Variants in XYLB observed in about 807,000 individuals in gnomAD.
XYLB encodes xylulose kinase.
Under a neutral mutation model 78.7 loss-of-function variants are expected in XYLB, and 62 were observed. The ratio of observed to expected loss-of-function variants is 0.79; its 90% CI spans 0.64 to 0.97. The LOEUF (loss-of-function observed/expected upper bound fraction) is 0.97. XYLB is among the 50% of genes least tolerant of loss of function. XYLB has a pLI of 0.00. For synonymous variants in XYLB, 245 were observed against 247.4 expected, an observed-to-expected ratio of 0.99 and a Z score of 0.09; for missense variants, 687 against 676.8, an observed-to-expected ratio of 1.02 and a Z score of -0.17.
intron 17 of XYLB, among the ~76,000 whole-genome samples, chr3:38,399,538 G>C (rs963902470): frequency 3.9e-5 from 6 of 152,162 alleles, no homozygotes. Flanking sequence ...TACTGGCTGG[G>C]TAAAAGACTC....
chr3:38,364,694 C>T (rs1042928726), intron 4 of XYLB, among the ~76,000 whole-genome samples: 1 of 132,476 alleles, frequency 7.5e-6, no homozygotes, highest in African/African-American at 2.8e-5. Flanking sequence ...CCTCTGTTCC[C>T]ACGACCCTGT....
rs114648864 is a variant in XYLB, at chr3:38,354,845, T to C, written c.141-5494T>C. On this transcript the variant is annotated intron_variant, in intron 2 of 18. Transcript: ENST00000207870. ...ATTGAGATCATATTATCTTTATAAATTAACTTGGCAGAATTGACAACTTTA... is the reference window on the plus strand; with the variant it reads ...ATTGAGATCATATTATCTTTATAAACTAACTTGGCAGAATTGACAACTTTA... 8.7e-3 allele frequency among the ~76,000 whole-genome samples: 1,318 copies of C among 151,844 alleles called. 20 individuals carry two copies. The highest frequency in any genetic ancestry group is 0.029 in the African/African-American group (1,176 of 41,110).
intron 10 of XYLB, among the ~76,000 whole-genome samples, chr3:38,373,853 G>A (rs1345542131): frequency 1.3e-5 from 2 of 152,158 alleles, no homozygotes; most frequent in Non-Finnish European, 2.9e-5. Flanking sequence ...AATCAAGGCA[G>A]ATAAAGATTG....
At position 38,363,037 on chromosome 3, in the gene XYLB, T is replaced by A. The variant is rs776089538; in HGVS notation, c.291+20T>A. ...GGCCAGGTTCGTTTGCAGCAGACTC[T>A]GTCTGCCATGTGAGGGTGACTGTCC... On this transcript the variant is annotated intron_variant, in intron 4 of 18. Coordinates refer to ENST00000207870, the MANE Select transcript of XYLB (RefSeq NM_005108.4). The A allele has an allele frequency of 3.3e-6, 5 of 1,522,474 alleles. No homozygotes were observed. The highest frequency in any genetic ancestry group is 4.4e-6 in the Non-Finnish European group (5 of 1,129,230). 94.3% of individuals were successfully genotyped at this position (1,522,474 alleles called of 1,614,324 possible).
the XYLB span, among the ~76,000 whole-genome samples, chr3:38,436,095 A>G: frequency 1.3e-5 from 2 of 152,116 alleles, no homozygotes; most frequent in South Asian, 4.1e-4. Flanking sequence ...GAACTAAATG[A>G]AAAACAGACT....
At chr3:38,405,637 A>C (rs1207181587) in intron 18 of XYLB, among the ~76,000 whole-genome samples, 2 of 152,222 alleles carry the variant, frequency 1.3e-5, no homozygotes, top group East Asian at 3.8e-4. Flanking sequence ...TAGTCAAAGA[A>C]AGGGGTGACA....
downstream of XYLB, among the ~76,000 whole-genome samples, chr3:38,423,544 T>C (rs564654834): frequency 1.1e-4 from 17 of 152,374 alleles, no homozygotes; most frequent in African/African-American, 3.8e-4. Context: ...GTTTCTTTAT[T>C]ATCCCCTTAG....
chr3:38,346,896 T>C lies in XYLB; in HGVS notation c.28T>C (p.Cys10Arg). 1 of 1,518,914 alleles carries C rather than the reference T, an allele frequency of 6.6e-7. No homozygotes were observed. The highest frequency in any genetic ancestry group is 8.8e-7 in the Non-Finnish European group (1 of 1,136,078). The allele number at this position is 1,518,914 out of a possible 1,614,324, so 94.1% of individuals were successfully genotyped here. A position where few individuals can be genotyped will look rare whatever the true frequency, so the allele number is the denominator to read the frequency against. The change falls in exon 1 of 19, where the codon TGC becomes CGC. Residue 10 changes from cysteine (C) to arginine (R), a missense_variant. By Grantham distance (180) the Cys-to-Arg change is radical. Coordinates refer to ENST00000207870, the MANE Select transcript of XYLB (RefSeq NM_005108.4). Reference protein sequence around the residue: MAEHAPRRCCLGWDFSTQQV... With the variant: MAEHAPRRCRLGWDFSTQQV... Reference sequence around the variant, plus strand: ...GGCGGAGCACGCCCCTCGCCGCTGCTGCCTGGGCTGGGACTTCAGCACGCA... The same window carrying C: ...GGCGGAGCACGCCCCTCGCCGCTGCCGCCTGGGCTGGGACTTCAGCACGCA...
the XYLB span, chr3:38,452,962 G>A: frequency 6.6e-6 from 1 of 152,160 alleles, no homozygotes; most frequent in Non-Finnish European, 1.5e-5. Flanking sequence ...GTTATCTGAG[G>A]ATCTCGGAGC....
At chr3:38,405,652 G>A (rs1708287716) in intron 18 of XYLB, among the ~76,000 whole-genome samples, 4 of 152,352 alleles carry the variant, frequency 2.6e-5, no homozygotes, top group Middle Eastern at 3.4e-3. Flanking sequence ...GTGACAGATG[G>A]CACCTGGAAA....
chr3:38,375,885 C>T (rs1349443955), intron 12 of XYLB, among the ~76,000 whole-genome samples: 1 of 152,196 alleles, frequency 6.6e-6, no homozygotes, highest in African/African-American at 2.4e-5. Flanking sequence ...GTGTCAGCCT[C>T]CTGTGTAAAC....
intron 14 of XYLB, among the ~76,000 whole-genome samples, chr3:38,377,228 T>C (rs1433490488): frequency 1.3e-5 from 2 of 152,070 alleles, no homozygotes; most frequent in Non-Finnish European, 2.9e-5. Flanking sequence ...GTTCTCTTCC[T>C]ATTTAACAAA....
chr3:38,432,935 C>G, the XYLB span, among the ~76,000 whole-genome samples: 1 of 152,210 alleles, frequency 6.6e-6, no homozygotes, highest in Admixed American at 6.5e-5. Flanking sequence ...TGGCCCTCTT[C>G]TCACAGCTCC....
intron 7 of XYLB, 141 bp from the exon 8 acceptor site, chr3:38,368,044 T>C: frequency 1.4e-6 from 1 of 735,404 alleles, no homozygotes; most frequent in Non-Finnish European, 2.4e-6. Context: ...AGATGCACAG[T>C]CTCCACCATT....
At chr3:38,372,792 T>A in intron 10 of XYLB, 56 bp downstream of exon 10, 1 of 1,576,874 alleles carries the variant, frequency 6.3e-7, no homozygotes, top group Non-Finnish European at 8.7e-7. Context: ...CCATGCTGGA[T>A]GTTTGAGAAT....
At chr3:38,451,884 G>C in the XYLB span, 2 of 152,334 alleles carry the variant, frequency 1.3e-5, no homozygotes, top group African/African-American at 4.8e-5. Context: ...AGACAGGTCA[G>C]AGTGGAAGAC....
chr3:38,435,770 T>C, the XYLB span, among the ~76,000 whole-genome samples: 322 of 152,168 alleles, frequency 2.1e-3, 2 homozygotes, highest in African/African-American at 7.0e-3. Context: ...GGAATAAAAC[T>C]AGAAATCAAT....
At chr3:38,433,267 G>T in the XYLB span, among the ~76,000 whole-genome samples, 1 of 152,214 alleles carries the variant, frequency 6.6e-6, no homozygotes, top group Non-Finnish European at 1.5e-5. Context: ...AACAAAGAGG[G>T]CCTGGGCCTG....
intron 18 of XYLB, among the ~76,000 whole-genome samples, chr3:38,410,946 G>C (rs960263998): frequency 4.6e-5 from 7 of 152,108 alleles, no homozygotes; most frequent in African/African-American, 9.7e-5. Flanking sequence ...CTGTAAACTA[G>C]TTCAACCATT....
Sources: gnomAD v4.1 joint callset for allele counts (sites outside exome capture counted in the v4.1 genomes callset) on GRCh38, gnomAD v4.1.1 for gene constraint, MANE v1.5 for transcripts, NCBI Gene and HGNC (gene_info 2026-07-23, HGNC 2026-07-21) for gene names.